Variants in DLC1 observed in about 807,000 individuals in gnomAD.
DLC1 encodes rho GTPase-activating protein 7.
In DLC1, 54 loss-of-function variants were observed where a neutral mutation model predicts 140.3. The observed-to-expected ratio is 0.38, with a 90% CI of 0.31 to 0.48. The LOEUF (loss-of-function observed/expected upper bound fraction) is 0.48, where lower values mean the gene tolerates loss of function less well. DLC1 is among the 20% of genes least tolerant of loss of function. DLC1 has a pLI of 0.96. For synonymous variants in DLC1, 986 were observed against 728.1 expected (o/e 1.35, Z -5.70); for missense variants, 2,536 against 1,907.0 (o/e 1.33, Z -6.14).
At chr8:13,127,231 T>C (rs922372457) in intron 5 of DLC1, among the ~76,000 whole-genome samples, 56 of 152,216 alleles carry the variant, frequency 3.7e-4, no homozygotes, top group African/African-American at 1.4e-3. Flanking sequence ...AATGGTCAAA[T>C]TGTGATTCAG....
chr8:13,583,780 T>A (rs1328429566), intron 1 of DLC1: 2 of 152,380 alleles, frequency 1.3e-5, no homozygotes, highest in Non-Finnish European at 2.9e-5. Flanking sequence ...AGATGGAGAC[T>A]GTGCTCAATG....
Position 13,506,581 on chromosome 8 carries a change from G to GTGTGTGTGTGTATATATA in DLC1, c.-125-6386_-125-6385insTATATATACACACACACA, listed in dbSNP as rs1246764417. Among the ~76,000 whole-genome samples the GTGTGTGTGTGTATATATA allele has an allele frequency of 1.6e-3, 208 of 131,040 alleles. 1 individual carries two copies. The highest frequency in any genetic ancestry group is 6.4e-3 in the African/African-American group (199 of 31,086). 86.0% of individuals were successfully genotyped at this position (131,040 alleles called of 152,430 possible). A position where few individuals can be genotyped will look rare whatever the true frequency, so the allele number is the denominator to read the frequency against. The stretch of plus-strand genomic sequence containing the variant: ...CACACACACACATGTGTGTGTGTGT[G>GTGTGTGTGTGTATATATA]TATATATATATATATATATATATAT... On this transcript the variant is annotated intron_variant, in intron 1 of 17. Transcript: ENST00000276297.
chr8:13,188,816 T>C (rs7824727), intron 5 of DLC1, among the ~76,000 whole-genome samples: 52,558 of 101,274 alleles, frequency 0.52, 14,087 homozygotes, highest in East Asian at 0.86. Context: ...TATATATATA[T>C]ATATATATAT....
intron 2 of DLC1, among the ~76,000 whole-genome samples, chr8:13,492,504 C>G (rs1364320302): frequency 2.7e-5 from 4 of 147,120 alleles, no homozygotes; most frequent in Non-Finnish European, 6.0e-5. Context: ...CTCTCTGTCT[C>G]TCTCTCTCTC....
chr8:13,371,000 G>C (rs939768525), intron 4 of DLC1, among the ~76,000 whole-genome samples: 2 of 152,118 alleles, frequency 1.3e-5, no homozygotes, highest in East Asian at 3.9e-4. Flanking sequence ...GGGTAGCCCT[G>C]CCACACCATA....
chr8:13,439,814 T>C (rs931788946), intron 2 of DLC1, among the ~76,000 whole-genome samples: 13 of 152,162 alleles, frequency 8.5e-5, no homozygotes, highest in Non-Finnish European at 1.2e-4. Flanking sequence ...CTGCTCACCA[T>C]AGGAAAGAAT....
At chr8:13,603,336 C>G (rs1585322638) in intron 1 of DLC1, among the ~76,000 whole-genome samples, 1 of 151,802 alleles carries the variant, frequency 6.6e-6, no homozygotes, top group East Asian at 1.9e-4. Context: ...AATGGTAATT[C>G]TTACACACAA....
At chr8:13,342,342 C>T (rs1180580278) in intron 4 of DLC1, 1 of 152,158 alleles carries the variant, frequency 6.6e-6, no homozygotes, top group African/African-American at 2.4e-5. Flanking sequence ...GCAAGAAAAG[C>T]AAACCATTTG....
At chr8:13,253,086 A>G (rs1408774544) in intron 5 of DLC1, among the ~76,000 whole-genome samples, 1 of 152,226 alleles carries the variant, frequency 6.6e-6, no homozygotes, top group East Asian at 1.9e-4. Flanking sequence ...TTGCAATAAC[A>G]TACACAGAAT....
At chr8:13,495,980 T>C (rs541277365) in intron 2 of DLC1, among the ~76,000 whole-genome samples, 9 of 152,350 alleles carry the variant, frequency 5.9e-5, no homozygotes, top group South Asian at 2.1e-4. Flanking sequence ...ATGAGCTGAT[T>C]ACAATTCCAT....
intron 1 of DLC1, among the ~76,000 whole-genome samples, chr8:13,579,538 ATATTTAATATATTATAT>A (rs1805001116): frequency 8.6e-6 from 1 of 116,934 alleles, no homozygotes; most frequent in African/African-American, 3.3e-5. Flanking sequence ...TTTATATTAT[ATATTTAATATATTATAT>A]TTTATATTAT....
chr8:13,305,694 G>T (rs1046247303), intron 4 of DLC1, among the ~76,000 whole-genome samples: 1 of 152,224 alleles, frequency 6.6e-6, no homozygotes, highest in African/African-American at 2.4e-5. Flanking sequence ...AAAATTGGCT[G>T]GGCATGGTGG....
At chr8:13,180,544 G>A (rs985097883) in intron 5 of DLC1, among the ~76,000 whole-genome samples, 1 of 151,896 alleles carries the variant, frequency 6.6e-6, no homozygotes, top group Non-Finnish European at 1.5e-5. Context: ...TAGACCATGG[G>A]TAGAAAGAAC....
intron 1 of DLC1, among the ~76,000 whole-genome samples, chr8:13,578,101 A>G (rs73665148): frequency 0.036 from 5,526 of 151,800 alleles, 379 homozygotes; most frequent in African/African-American, 0.13. Flanking sequence ...CAGTGAACCA[A>G]CTCCCTGGGA....
At chr8:13,417,069 G>C (rs1489748231) in intron 2 of DLC1, among the ~76,000 whole-genome samples, 1 of 152,088 alleles carries the variant, frequency 6.6e-6, no homozygotes, top group East Asian at 1.9e-4. Flanking sequence ...GTAAACAACA[G>C]AAATGTGTCA....
intron 5 of DLC1, chr8:13,276,378 A>G: frequency 6.6e-7 from 1 of 1,517,574 alleles, no homozygotes; most frequent in Non-Finnish European, 8.8e-7. Flanking sequence ...GCGCGCCATC[A>G]CGTGGGCCTT....
At chr8:13,102,953 T>A in intron 7 of DLC1, 100 bp from the exon 8 acceptor site, 2 of 1,020,474 alleles carry the variant, frequency 2.0e-6, no homozygotes, top group Non-Finnish European at 3.0e-6. Context: ...AAGGAGTTTC[T>A]TGAAACTCAG....
chr8:13,479,998 G>C (rs899699234), intron 2 of DLC1, among the ~76,000 whole-genome samples: 1 of 151,770 alleles, frequency 6.6e-6, no homozygotes, highest in South Asian at 2.1e-4. Flanking sequence ...CCCAGGAGGT[G>C]GGGGCTGCAG....
intron 1 of DLC1, among the ~76,000 whole-genome samples, chr8:13,579,438 T>TTATATTTTATATTATATATTTAA (rs1490382239): frequency 0.12 from 2,466 of 20,734 alleles, 1,065 homozygotes; most frequent in Non-Finnish European, 0.23. Flanking sequence ...ATTTAATACA[T>TTATATTTTATATTATATATTTAA]TATATTTTAT....
Sources: gnomAD v4.1 joint callset for allele counts (sites outside exome capture counted in the v4.1 genomes callset) on GRCh38, gnomAD v4.1.1 for gene constraint, MANE v1.5 for transcripts, NCBI Gene and HGNC (gene_info 2026-07-23, HGNC 2026-07-21) for gene names.